ATP8A2: variants seen among roughly 807,000 people sequenced by gnomAD.
The protein encoded by ATP8A2 is phospholipid-transporting ATPase IB.
ATP8A2 carries 100 observed loss-of-function variants against 165.6 expected under a neutral mutation model. That is an observed-to-expected ratio of 0.60 (90% CI 0.51 to 0.71). The LOEUF (loss-of-function observed/expected upper bound fraction) is 0.71. ATP8A2 is among the 30% of genes least tolerant of loss of function. The probability of loss-of-function intolerance (pLI) is 0.00; values close to 1 mark genes in which losing one functional copy is unlikely to be tolerated. For synonymous variants in ATP8A2, 543 were observed against 548.8 expected (o/e 0.99, Z 0.15); for missense variants, 1,227 against 1,479.5 (o/e 0.83, Z 2.80).
At chr13:25,681,032 C>T (rs1566041584) in intron 24 of ATP8A2, among the ~76,000 whole-genome samples, 1 of 152,118 alleles carries the variant, frequency 6.6e-6, no homozygotes, top group African/African-American at 2.4e-5. Context: ...GAGAGGGAAA[C>T]AATTGGAATT....
chr13:25,851,295 T>C (rs987205174), intron 30 of ATP8A2, among the ~76,000 whole-genome samples: 7 of 152,184 alleles, frequency 4.6e-5, no homozygotes, highest in African/African-American at 1.7e-4. Flanking sequence ...AATTAATGCA[T>C]TGTCAGCCGG....
chr13:25,435,932 AGTGTGTGT>A (rs781137300), intron 1 of ATP8A2, among the ~76,000 whole-genome samples: 1 of 75,780 alleles, frequency 1.3e-5, no homozygotes, highest in Non-Finnish European at 3.0e-5. Context: ...TGTGTGTGTG[AGTGTGTGT>A]GTGTGTGTGT....
At chr13:25,409,264 G>T (rs1287143805) in intron 1 of ATP8A2, among the ~76,000 whole-genome samples, 1 of 152,048 alleles carries the variant, frequency 6.6e-6, no homozygotes, top group Non-Finnish European at 1.5e-5. Context: ...AATTTTCTGG[G>T]CCTCATTTCC....
At position 25,860,807 on chromosome 13, in the gene ATP8A2, G is replaced by A. The variant is rs1952326785; in HGVS notation, c.3022G>A (p.Val1008Ile). ...LFVGNIVYTYVVVTVCLKAGL... is the reference protein window; with the variant it reads ...LFVGNIVYTYIVVTVCLKAGL... Reference sequence around the variant, plus strand: ...AAACTGTCTTTTATTTTCACAGTATGTTGTTGTTACTGTTTGTCTGAAAGC... The same window carrying A: ...AAACTGTCTTTTATTTTCACAGTATATTGTTGTTACTGTTTGTCTGAAAGC... Residue 1008 changes from valine to isoleucine, a missense_variant, in exon 32 of 37, where the codon GTT becomes ATT. Transcript: ENST00000381655. The A allele has an allele frequency of 6.3e-7, 1 of 1,593,604 alleles. No individual in the cohort carries two copies. Among genetic ancestry groups the A allele is most frequent in the Admixed American group, 1.7e-5 (1 of 58,372 alleles).
At chr13:25,411,904 G>T (rs2033976890) in intron 1 of ATP8A2, among the ~76,000 whole-genome samples, 1 of 152,082 alleles carries the variant, frequency 6.6e-6, no homozygotes, top group African/African-American at 2.4e-5. Context: ...TTAATAAAAA[G>T]AACTTTAAAT....
In ATP8A2 at chr13:25,650,710, C is replaced by T. The variant is rs376848312; in HGVS notation, c.2212-48463C>T. ...TATCAGGTTATTATGAACATTGTTT[C>T]GAGTGTATCAACTAATTTTCCTGTA... On this transcript the variant is annotated intron_variant, in intron 24 of 36. Coordinates refer to ENST00000381655, the MANE Select transcript of ATP8A2 (RefSeq NM_016529.6). 1.1e-4 allele frequency among the ~76,000 whole-genome samples: 17 copies of T among 152,104 alleles called. No homozygotes were observed. The South Asian group carries it at 1.7e-3, about 15-fold the overall frequency.
Position 25,574,815 on chromosome 13 carries a change from A to AG in ATP8A2, c.1672dup (p.Glu558GlyfsTer8). On this transcript the variant is annotated frameshift_variant, in exon 19 of 37. Coordinates refer to ENST00000381655, the MANE Select transcript of ATP8A2 (RefSeq NM_016529.6). LOFTEE classifies it high-confidence loss of function. ...CTATTTTTCTTCCTTTAGATGGGAC[A>AG]GGAACAAACATTCGGAATCCTTAAT... 6.4e-7 allele frequency: 1 copy of AG among 1,564,620 alleles called. No individual in the cohort carries two copies.
chr13:25,603,912 G>A (rs1462068296), intron 24 of ATP8A2, among the ~76,000 whole-genome samples: 1 of 152,064 alleles, frequency 6.6e-6, no homozygotes, highest in Non-Finnish European at 1.5e-5. Context: ...GGAAATCAGG[G>A]GAAAGGTCTA....
chr13:25,918,641 TC>T (rs928409839), intron 33 of ATP8A2, among the ~76,000 whole-genome samples: 1 of 151,688 alleles, frequency 6.6e-6, no homozygotes, highest in Non-Finnish European at 1.5e-5. Flanking sequence ...TGTGAAAGCC[TC>T]CCCCCCGCAA....
intron 35 of ATP8A2, among the ~76,000 whole-genome samples, chr13:25,997,791 A>T (rs1213465569): frequency 1.3e-5 from 2 of 151,810 alleles, no homozygotes; most frequent in Non-Finnish European, 2.9e-5. Flanking sequence ...TTTAAGTCTT[A>T]TATTTCTTGG....
intron 25 of ATP8A2, among the ~76,000 whole-genome samples, chr13:25,732,122 A>G (rs977962793): frequency 3.9e-5 from 6 of 152,182 alleles, no homozygotes; most frequent in African/African-American, 1.4e-4. Flanking sequence ...TCCCTAGCCC[A>G]GAGAGCTGAG....
intron 2 of ATP8A2, among the ~76,000 whole-genome samples, chr13:25,529,275 T>G (rs139543157): frequency 8.1e-4 from 124 of 152,344 alleles, no homozygotes; most frequent in Non-Finnish European, 1.4e-3. Context: ...ATTTTGCCTT[T>G]GGGTTATTTC....
intron 1 of ATP8A2, among the ~76,000 whole-genome samples, chr13:25,373,372 T>G (rs1437215353): frequency 2.6e-5 from 4 of 152,202 alleles, no homozygotes; most frequent in Non-Finnish European, 1.5e-5. Flanking sequence ...TTTGTTAAAC[T>G]TGGGTAAAGT....
At chr13:25,941,628 C>T (rs998878329) in intron 33 of ATP8A2, among the ~76,000 whole-genome samples, 1 of 152,218 alleles carries the variant, frequency 6.6e-6, no homozygotes, top group African/African-American at 2.4e-5. Context: ...AGGACAACCA[C>T]TGTCCCTCTT....
chr13:25,474,304 A>G (rs1317264254), intron 2 of ATP8A2, among the ~76,000 whole-genome samples: 3 of 152,334 alleles, frequency 2.0e-5, no homozygotes, highest in African/African-American at 7.2e-5. Context: ...GCTCGCGCCT[A>G]TAATCCCAGC....
chr13:25,671,896 A>T (rs1426166815), intron 24 of ATP8A2, among the ~76,000 whole-genome samples: 1 of 152,054 alleles, frequency 6.6e-6, no homozygotes, highest in Non-Finnish European at 1.5e-5. Context: ...CCTAATAAAA[A>T]CTTGCCGGTT....
At chr13:25,445,531 G>A (rs796468205) in intron 1 of ATP8A2, among the ~76,000 whole-genome samples, 12 of 152,264 alleles carry the variant, frequency 7.9e-5, no homozygotes, top group African/African-American at 2.9e-4. Context: ...CTGCATTCAG[G>A]AATGCTGACT....
intron 24 of ATP8A2, among the ~76,000 whole-genome samples, chr13:25,655,573 C>T (rs1361295793): frequency 6.6e-6 from 1 of 152,114 alleles, no homozygotes; most frequent in Admixed American, 6.6e-5. Context: ...CTCAACTGTG[C>T]TGTTCCCCAC....
intron 24 of ATP8A2, among the ~76,000 whole-genome samples, chr13:25,636,539 T>C (rs1009380140): frequency 7.2e-5 from 11 of 152,118 alleles, no homozygotes; most frequent in Admixed American, 5.9e-4. Flanking sequence ...AAATATCATC[T>C]TATTATTATT....
Sources: gnomAD v4.1 joint callset for allele counts (sites outside exome capture counted in the v4.1 genomes callset) on GRCh38, gnomAD v4.1.1 for gene constraint, MANE v1.5 for transcripts, NCBI Gene and HGNC (gene_info 2026-07-23, HGNC 2026-07-21) for gene names.